The following SSU72 variants were observed in gnomAD, a reference collection of about 807,000 sequenced individuals.
The protein encoded by SSU72 is SSU72 homolog, RNA polymerase II CTD phosphatase.
A neutral mutation model predicts 22.7 loss-of-function variants in SSU72; 12 were observed. That is an observed-to-expected ratio of 0.53 (90% CI 0.34 to 0.86). The LOEUF is 0.86. SSU72 is among the 40% of genes least tolerant of loss of function. The pLI, the probability that SSU72 is intolerant of heterozygous loss-of-function variation, is 0.02. For missense variants in SSU72, 151 were observed against 249.8 expected (o/e 0.60, Z 2.67); for synonymous variants, 116 against 98.3 (o/e 1.18, Z -1.06).
chr1:1,570,774 T>C (rs2100723715), intron 1 of SSU72, among the ~76,000 whole-genome samples: 1 of 152,338 alleles, frequency 6.6e-6, no homozygotes, highest in East Asian at 1.9e-4. Context: ...GACACCAAAA[T>C]GGTACCTCTG....
chr1:1,545,670 T>C (rs1353232363), intron 2 of SSU72: 1 of 152,082 alleles, frequency 6.6e-6, no homozygotes, highest in Non-Finnish European at 1.5e-5. Flanking sequence ...TAGACGGACA[T>C]AGTGGCACAT....
rs146292645 is a variant in SSU72, at chr1:1,554,340, C to T, written c.225-9338G>A. ...CACGAAGCTGAGCATGAGGCGGATC[C>T]GGACCACTCGGGGGTCCCCACGAAG... On this transcript the variant is annotated intron_variant, in intron 2 of 4. Coordinates refer to ENST00000291386, the MANE Select transcript of SSU72 (RefSeq NM_014188.3). The surrounding 1 kb of genome is among the most constrained non-coding windows in gnomAD (Gnocchi z 4.1). Among the ~76,000 whole-genome samples, 409 of 152,000 alleles carry T rather than the reference C, an allele frequency of 2.7e-3. 4 individuals are homozygous for T. The highest frequency in any genetic ancestry group is 9.3e-3 in the African/African-American group (385 of 41,400).
At chr1:1,558,800 T>C (rs745405218) in intron 2 of SSU72, among the ~76,000 whole-genome samples, 3 of 152,078 alleles carry the variant, frequency 2.0e-5, no homozygotes, top group Non-Finnish European at 4.4e-5. Context: ...TCCTCTACCC[T>C]CTGGGCCAGC....
At chr1:1,567,912 C>CAAAAAAAAAAAAAAA (rs71574349) in intron 1 of SSU72, among the ~76,000 whole-genome samples, 9 of 98,380 alleles carry the variant, frequency 9.1e-5, no homozygotes, top group African/African-American at 3.8e-4. Flanking sequence ...TACTCTGTTT[C>CAAAAAAAAAAAAAAA]AAAAAAAAAA....
chr1:1,556,602 A>C (rs889970625), intron 2 of SSU72, among the ~76,000 whole-genome samples: 10 of 152,160 alleles, frequency 6.6e-5, no homozygotes, highest in African/African-American at 2.2e-4. Flanking sequence ...CAGAGGCTGC[A>C]CAAACAGAAC....
chr1:1,553,184 A>C (rs149749534), intron 2 of SSU72, among the ~76,000 whole-genome samples: 12 of 152,182 alleles, frequency 7.9e-5, no homozygotes, highest in African/African-American at 2.9e-4. Context: ...CTTGGACAGA[A>C]ACCCTGGATC....
chr1:1,559,104 C>T (rs538421315), intron 2 of SSU72, among the ~76,000 whole-genome samples: 4 of 152,258 alleles, frequency 2.6e-5, no homozygotes. Flanking sequence ...CTGCTCTACT[C>T]CACGTGCCAC....
In SSU72 at chr1:1,564,876, G is replaced by A; in HGVS notation, c.121C>T (p.His41Tyr). 1.2e-6 allele frequency: 2 copies of A among 1,613,828 alleles called. No homozygotes were observed. The highest frequency in any genetic ancestry group is 1.3e-5 in the African/African-American group (1 of 75,012). Residue 41 changes from histidine to tyrosine, a missense_variant, in exon 2 of 5, where the codon CAC becomes TAC. His to Tyr is a moderately conservative substitution (Grantham distance 83). Coordinates refer to ENST00000291386, the MANE Select transcript of SSU72 (RefSeq NM_014188.3). ...GGAGCTGGTCCTGGAAGCTTCACGT[G>A]AGTCCCTGTTCCAAAGGATCGGACG... ...FSVRSFGTGT[H>Y]VKLPGPAPDK...
intron 1 of SSU72, among the ~76,000 whole-genome samples, chr1:1,568,415 A>T (rs967524219): frequency 6.6e-6 from 1 of 151,940 alleles, no homozygotes; most frequent in Admixed American, 6.6e-5. Context: ...AACATGACAA[A>T]ACCCCGTCTC....
intron 2 of SSU72, 109 bp downstream of exon 2, chr1:1,564,664 C>T: frequency 1.2e-6 from 2 of 1,614,036 alleles, no homozygotes; most frequent in Middle Eastern, 1.7e-4. Flanking sequence ...GACAGAGGAG[C>T]CAGTGTGTGC....
intron 1 of SSU72, 39 bp from the exon 2 acceptor site, chr1:1,564,955 A>G (rs748878463): frequency 1.3e-6 from 2 of 1,545,288 alleles, no homozygotes; most frequent in Non-Finnish European, 1.7e-6. Context: ...CAGTCACACT[A>G]AGACACAAAA....
chr1:1,544,068 T>C, intron 3 of SSU72, 81 bp from the exon 4 acceptor site: 1 of 1,104,038 alleles, frequency 9.1e-7, no homozygotes, highest in Non-Finnish European at 1.3e-6. Context: ...TCCCCAGCTC[T>C]GCCGGCTGCA....
chr1:1,566,410 C>T (rs1407936768), intron 1 of SSU72, among the ~76,000 whole-genome samples: 2 of 152,144 alleles, frequency 1.3e-5, no homozygotes, highest in African/African-American at 4.8e-5. Context: ...AAGGAATCTG[C>T]CTGGCTCAGG....
In SSU72 at chr1:1,564,639, C is replaced by T. The variant is rs776199487; in HGVS notation, c.224+134G>A. ...ATCCGACGTGCACCAGGAATAGAAA[C>T]CAAGCTCTCGCAAAGACAGAGGAGC... On this transcript the variant is annotated intron_variant, in intron 2 of 4. Coordinates refer to ENST00000291386, the MANE Select transcript of SSU72 (RefSeq NM_014188.3). 55 of 1,613,812 alleles carry T rather than the reference C, an allele frequency of 3.4e-5. No individual in the cohort carries two copies. In the Middle Eastern group the frequency reaches 6.6e-4, roughly 19 times the overall value.
Position 1,564,406 on chromosome 1 carries a change from G to A in SSU72, c.224+367C>T, listed in dbSNP as rs774230999. 4.5e-4 allele frequency: 640 copies of A among 1,410,036 alleles called. 1 individual carries two copies. The highest frequency in any genetic ancestry group is 4.7e-4 in the Non-Finnish European group (503 of 1,073,584). The allele number at this position is 1,410,036 out of a possible 1,614,324, so 87.3% of individuals were successfully genotyped here. Reference sequence around the variant, plus strand: ...ATCAGGCACGCACGCACACACGCACGCACACCAACCTGCAAAGGAAATAAC... The same window carrying A: ...ATCAGGCACGCACGCACACACGCACACACACCAACCTGCAAAGGAAATAAC... On this transcript the variant is annotated intron_variant, in intron 2 of 4. Coordinates refer to ENST00000291386, the MANE Select transcript of SSU72 (RefSeq NM_014188.3).
At chr1:1,568,451 A>T (rs914427150) in intron 1 of SSU72, among the ~76,000 whole-genome samples, 3 of 151,888 alleles carry the variant, frequency 2.0e-5, no homozygotes, top group Admixed American at 6.6e-5. Context: ...ATAAAAAAAT[A>T]AAAAAAGCCA....
chr1:1,564,249 T>G (rs770052041), intron 2 of SSU72: 14 of 427,658 alleles, frequency 3.3e-5, no homozygotes, highest in Non-Finnish European at 4.2e-5. Context: ...GCCTGCTCTG[T>G]GTCCTCCTGA....
chr1:1,542,442 G>C lies in SSU72; in HGVS notation c.484-275C>G, dbSNP rs906015986. Among the ~76,000 whole-genome samples, 5 of 152,154 alleles carry C rather than the reference G, an allele frequency of 3.3e-5. No homozygotes were observed. The highest frequency in any genetic ancestry group is 4.8e-5 in the African/African-American group (2 of 41,422). Reference sequence around the variant, plus strand: ...CTGGATTCTGAGAGGGGCCCAGCACGGAGACCTGGCGGCCAGGGCTCAGAC... The same window carrying C: ...CTGGATTCTGAGAGGGGCCCAGCACCGAGACCTGGCGGCCAGGGCTCAGAC... On this transcript the variant is annotated intron_variant, in intron 4 of 4. Coordinates refer to ENST00000291386, the MANE Select transcript of SSU72 (RefSeq NM_014188.3). The surrounding 1 kb of genome is among the most constrained non-coding windows in gnomAD (Gnocchi z 4.4).
intron 2 of SSU72, among the ~76,000 whole-genome samples, chr1:1,552,057 C>A (rs904998004): frequency 6.6e-6 from 1 of 152,224 alleles, no homozygotes; most frequent in East Asian, 1.9e-4. Context: ...TGAGGCTGAC[C>A]AGCGTTCCGA....
Sources: allele counts gnomAD v4.1 joint callset (sites outside exome capture counted in the v4.1 genomes callset), GRCh38; gene constraint gnomAD v4.1.1; non-coding constraint Gnocchi (gnomAD v3.1); transcripts MANE v1.5; gene names NCBI Gene and HGNC (gene_info 2026-07-23, HGNC 2026-07-21).